Variants in SMYD4 observed in about 807,000 individuals in gnomAD.
SMYD4 encodes protein-lysine N-methyltransferase SMYD4.
Under a neutral mutation model 72.8 loss-of-function variants are expected in SMYD4, and 68 were observed. The observed-to-expected ratio is 0.93, with a 90% CI of 0.77 to 1.14. SMYD4 has a LOEUF of 1.14. Ranked by LOEUF, SMYD4 falls within the 50% of genes most tolerant of loss-of-function variation. SMYD4 has a pLI of 0.00. For synonymous variants in SMYD4, 407 were observed against 388.6 expected (o/e 1.05, Z -0.56); for missense variants, 984 against 1,003.7 (o/e 0.98, Z 0.27).
intron 4 of SMYD4, among the ~76,000 whole-genome samples, chr17:1,802,480 AC>A (rs1313348582): frequency 6.6e-6 from 1 of 152,042 alleles, no homozygotes; most frequent in Admixed American, 6.6e-5. Flanking sequence ...GGTAACAGAG[AC>A]CCTGTCTCAA....
chr17:1,794,043 A>ATATGTGTGTG (rs1909225020), intron 5 of SMYD4, among the ~76,000 whole-genome samples: 1 of 71,126 alleles, frequency 1.4e-5, no homozygotes, highest in Non-Finnish European at 2.9e-5. Context: ...ATATGTATGT[A>ATATGTGTGTG]TATATATATG....
At chr17:1,798,925 TA>T (rs1301597297) in intron 5 of SMYD4, among the ~76,000 whole-genome samples, 2 of 148,568 alleles carry the variant, frequency 1.3e-5, no homozygotes, top group Non-Finnish European at 3.0e-5. Flanking sequence ...TAAAGTAAAA[TA>T]AAAAATAAAT....
At chr17:1,796,659 T>A (rs890946789) in intron 5 of SMYD4, among the ~76,000 whole-genome samples, 2 of 151,938 alleles carry the variant, frequency 1.3e-5, no homozygotes, top group Non-Finnish European at 2.9e-5. Context: ...ATGGTCTTGA[T>A]CTCTTGACCT....
At chr17:1,798,191 T>C (rs1012286548) in intron 5 of SMYD4, among the ~76,000 whole-genome samples, 1 of 150,968 alleles carries the variant, frequency 6.6e-6, no homozygotes, top group Non-Finnish European at 1.5e-5. Context: ...AGTGCATCGG[T>C]GCGATCATGG....
In SMYD4 at chr17:1,783,095, C is replaced by A; in HGVS notation, c.2201G>T (p.Gly734Val). ...ATGGCCCATTTCAACACTGGACGGCCCGTGGCGAACCTCCACCACGTAGAG... is the reference window on the plus strand; with the variant it reads ...ATGGCCCATTTCAACACTGGACGGCACGTGGCGAACCTCCACCACGTAGAG... ...RSLYVVEVRH[G>V]PSSVEMGHEL... Residue 734 changes from glycine (G) to valine (V), a missense_variant, in exon 10 of 11, where the codon GGG (glycine) becomes GTG (valine). Transcript: ENST00000305513. The A allele has an allele frequency of 1.2e-6, 2 of 1,614,166 alleles. No homozygotes were observed. Among genetic ancestry groups the A allele is most frequent in the Non-Finnish European group, 1.7e-6 (2 of 1,180,034 alleles).
At chr17:1,815,973 G>A (rs893788521) in intron 2 of SMYD4, among the ~76,000 whole-genome samples, 5 of 152,024 alleles carry the variant, frequency 3.3e-5, no homozygotes, top group Non-Finnish European at 7.4e-5. Flanking sequence ...GTGCTGGAAT[G>A]ACAGGTGTGA....
At position 1,781,246 on chromosome 17, in the gene SMYD4, C is replaced by G; in HGVS notation, c.*40G>C. On this transcript the variant is annotated 3_prime_UTR_variant, in exon 11 of 11. Transcript: ENST00000305513. ...AGCAAAACCTCTTTAACTTGTGTTC[C>G]ATGGGCTCCTTTTCTGTGGGTCAAA... 1.3e-6 allele frequency: 2 copies of G among 1,596,646 alleles called. No homozygotes were observed. Among genetic ancestry groups the G allele is most frequent in the Non-Finnish European group, 1.7e-6 (2 of 1,174,044 alleles).
chr17:1,828,327 G>A (rs1911313958), intron 1 of SMYD4, among the ~76,000 whole-genome samples: 1 of 150,888 alleles, frequency 6.6e-6, no homozygotes, highest in Admixed American at 6.6e-5. Flanking sequence ...CTCCAGCCTG[G>A]GTGACAGAGC....
chr17:1,814,082 G>C (rs1324181530), intron 2 of SMYD4, among the ~76,000 whole-genome samples: 1 of 152,182 alleles, frequency 6.6e-6, no homozygotes, highest in African/African-American at 2.4e-5. Flanking sequence ...AGGCCAAAGA[G>C]GGAAGATTGC....
chr17:1,828,745 C>T (rs538928569), intron 1 of SMYD4, among the ~76,000 whole-genome samples: 6 of 152,016 alleles, frequency 3.9e-5, no homozygotes, highest in Non-Finnish European at 7.4e-5. Flanking sequence ...TACAGATGCG[C>T]GCAACTACGC....
chr17:1,803,116 T>G (rs1008004708), intron 4 of SMYD4, among the ~76,000 whole-genome samples: 2 of 152,218 alleles, frequency 1.3e-5, no homozygotes, highest in Non-Finnish European at 2.9e-5. Flanking sequence ...CACTGACGCC[T>G]GGGCGACAGA....
intron 7 of SMYD4, among the ~76,000 whole-genome samples, chr17:1,786,077 ATATG>A (rs1908675365): frequency 6.6e-6 from 1 of 152,212 alleles, no homozygotes; most frequent in Non-Finnish European, 1.5e-5. Flanking sequence ...TGTGGCTCAC[ATATG>A]GCTCCTTCCT....
intron 5 of SMYD4, among the ~76,000 whole-genome samples, chr17:1,798,755 C>T (rs1380985033): frequency 6.6e-6 from 1 of 151,972 alleles, no homozygotes; most frequent in Non-Finnish European, 1.5e-5. Context: ...AAAAAATTAG[C>T]CAGGCATGGT....
chr17:1,805,170 A>C (rs1909970005), intron 3 of SMYD4, among the ~76,000 whole-genome samples: 1 of 152,198 alleles, frequency 6.6e-6, no homozygotes, highest in Admixed American at 6.6e-5. Context: ...TAATTCCAGC[A>C]CTTTGGGAGG....
At chr17:1,824,836 G>C (rs1307168804) in intron 2 of SMYD4, among the ~76,000 whole-genome samples, 1 of 151,976 alleles carries the variant, frequency 6.6e-6, no homozygotes, top group Admixed American at 6.6e-5. Context: ...TGTTGGCTGG[G>C]CTGGTCCTGA....
rs1422604690 is a variant in SMYD4 at position 1,780,789 on chromosome 17, T to C, written c.*497A>G. On this transcript the variant is annotated 3_prime_UTR_variant, in exon 11 of 11. Coordinates refer to ENST00000305513, the MANE Select transcript of SMYD4 (RefSeq NM_052928.3). Reference sequence around the variant, plus strand: ...GGCGTCCGCCACCACGCCCGACTAATTTTTTTGTATTTTTAGTAGAGACGG... The same window carrying C: ...GGCGTCCGCCACCACGCCCGACTAACTTTTTTGTATTTTTAGTAGAGACGG... 6.6e-6 allele frequency: 1 copy of C among 151,892 alleles called. No individual in the cohort carries two copies. Among genetic ancestry groups the C allele is most frequent in the African/African-American group, 2.4e-5 (1 of 41,108 alleles). The allele number at this position is 151,892 out of a possible 1,614,324, so 9.4% of individuals were successfully genotyped here.
At chr17:1,811,838 G>A (rs904601191) in intron 3 of SMYD4, 133 bp downstream of exon 3, 1 of 892,084 alleles carries the variant, frequency 1.1e-6, no homozygotes. Flanking sequence ...AAGGTGGGAG[G>A]ATCGCTTGAA....
intron 2 of SMYD4, among the ~76,000 whole-genome samples, chr17:1,818,160 C>T (rs777929730): frequency 8.6e-5 from 13 of 151,728 alleles, no homozygotes; most frequent in Non-Finnish European, 1.9e-4. Context: ...TTGCATGTAG[C>T]TTGTCATTAG....
rs79209886 is a variant in SMYD4 at position 1,811,968 on chromosome 17, T to G, written c.279+3A>C. The G allele has an allele frequency of 7.5e-6, 12 of 1,608,822 alleles. No individual in the cohort carries two copies. The East Asian group carries it at 2.2e-4, about 30-fold the overall frequency. On this transcript the variant is annotated splice_donor_region_variant and intron_variant, in intron 3 of 10. Coordinates refer to ENST00000305513, the MANE Select transcript of SMYD4 (RefSeq NM_052928.3). The stretch of plus-strand genomic sequence containing the variant: ...TAAATTGCTTGAGCTGGGAGTGTTT[T>G]ACCTTAGAGTACAGCACTGCAGCTC...
Sources: gnomAD v4.1 joint callset for allele counts (sites outside exome capture counted in the v4.1 genomes callset) on GRCh38, gnomAD v4.1.1 for gene constraint, MANE v1.5 for transcripts, NCBI Gene and HGNC (gene_info 2026-07-23, HGNC 2026-07-21) for gene names.